Variants in DNAAF9 observed in about 807,000 individuals in gnomAD.
DNAAF9 encodes shulin.
Under a neutral mutation model 167.0 loss-of-function variants are expected in DNAAF9, and 90 were observed. The observed-to-expected ratio is 0.54, with a 90% CI of 0.45 to 0.64. The LOEUF is 0.64. Ranked by LOEUF, DNAAF9 falls within the 30% of genes least tolerant of loss-of-function variation. The probability of loss-of-function intolerance (pLI) is 0.00; values close to 1 mark genes in which losing one functional copy is unlikely to be tolerated. For synonymous variants in DNAAF9, 491 were observed against 508.8 expected, an observed-to-expected ratio of 0.96 and a Z score of 0.47; for missense variants, 1,315 against 1,442.2, an observed-to-expected ratio of 0.91 and a Z score of 1.43.
Position 3,407,491 on chromosome 20 carries a change from C to T in DNAAF9, c.67G>A (p.Gly23Arg). The T allele has an allele frequency of 7.7e-7, 1 of 1,299,636 alleles. No homozygotes were observed. Among genetic ancestry groups the T allele is most frequent in the Non-Finnish European group, 9.7e-7 (1 of 1,026,578 alleles). The allele number at this position is 1,299,636 out of a possible 1,614,324, so 80.5% of individuals were successfully genotyped here. ...CCCGCGTACCTGACGGAGGGTGACC[C>T]GCGGCTGGAGCCGCCAGGGGACCGA... The part of the protein sequence containing the change: ...RARSPGGSSR[G>R]SPSVSCSRLR... The change falls in exon 1 of 37, where the codon GGG becomes AGG. Residue 23 changes from glycine to arginine, a missense_variant. This residue lies in a region of DNAAF9 where 981 missense variants were observed against 1,012.5 expected (regional missense o/e 0.97). Coordinates refer to ENST00000252032, the MANE Select transcript of DNAAF9 (RefSeq NM_001009984.3).
chr20:3,342,746 T>C (rs929421761), intron 9 of DNAAF9, among the ~76,000 whole-genome samples: 78 of 152,174 alleles, frequency 5.1e-4, no homozygotes, highest in Non-Finnish European at 1.3e-4. Flanking sequence ...TGTTTCACTA[T>C]TAGATTGGAT....
chr20:3,280,477 A>G (rs1568574857), intron 28 of DNAAF9, among the ~76,000 whole-genome samples: 1 of 151,788 alleles, frequency 6.6e-6, no homozygotes, highest in East Asian at 2.0e-4. Context: ...AGGCAAGAAA[A>G]TCGCTTGAAC....
chr20:3,382,631 C>T lies in DNAAF9; in HGVS notation c.84-125G>A, dbSNP rs145164852. 4.9e-3 allele frequency: 3,542 copies of T among 728,308 alleles called. 8 individuals are homozygous for T. The highest frequency in any genetic ancestry group is 9.2e-3 in the Middle Eastern group (25 of 2,720). The allele number at this position is 728,308 out of a possible 1,614,324, so 45.1% of individuals were successfully genotyped here. A position where few individuals can be genotyped will look rare whatever the true frequency, so the allele number is the denominator to read the frequency against. ...ACTTTGCTGGGGATGGAAATTGATTCTTGTCTGGTTCTGGTATCAGAACCA... is the reference window on the plus strand; with the variant it reads ...ACTTTGCTGGGGATGGAAATTGATTTTTGTCTGGTTCTGGTATCAGAACCA... On this transcript the variant is annotated intron_variant, in intron 1 of 36. Coordinates refer to ENST00000252032, the MANE Select transcript of DNAAF9 (RefSeq NM_001009984.3).
chr20:3,249,624 G>A lies in DNAAF9; in HGVS notation c.*2948C>T, dbSNP rs1031963252. 5.3e-5 allele frequency: 8 copies of A among 152,184 alleles called. No individual in the cohort carries two copies. The highest frequency in any genetic ancestry group is 1.9e-4 in the African/African-American group (8 of 41,464). 9.4% of individuals were successfully genotyped at this position (152,184 alleles called of 1,614,324 possible). On this transcript the variant is annotated 3_prime_UTR_variant, in exon 37 of 37. Transcript: ENST00000252032. The stretch of plus-strand genomic sequence containing the variant: ...GTGAGCTCTTATGTCATTAGTATTT[G>A]ACATCCTGGGACAATGAGGAAGCCA...
rs748567482 is a variant in DNAAF9, at chr20:3,332,269, T to C, written c.1063+11A>G. On this transcript the variant is annotated intron_variant, in intron 11 of 36. Coordinates refer to ENST00000252032, the MANE Select transcript of DNAAF9 (RefSeq NM_001009984.3). ...GATAAGCTGATGAGATGACAACTTA[T>C]AGGGACTTACCCAAGTAAGGAACAT... 9.2e-6 allele frequency: 13 copies of C among 1,407,628 alleles called. No individual in the cohort carries two copies. The African/African-American group carries it at 9.9e-5, about 11-fold the overall frequency. 87.2% of individuals were successfully genotyped at this position (1,407,628 alleles called of 1,614,324 possible).
At chr20:3,323,150 C>A (rs1172548980) in intron 14 of DNAAF9, among the ~76,000 whole-genome samples, 1 of 149,386 alleles carries the variant, frequency 6.7e-6, no homozygotes, top group Non-Finnish European at 1.5e-5. Flanking sequence ...TAATCTCTTG[C>A]ATTAACACAT....
Position 3,294,178 on chromosome 20 carries a change from T to C in DNAAF9, c.2199A>G (p.Gln733=). Residue 733 remains glutamine, a synonymous_variant, in exon 25 of 37, where the codon CAA becomes CAG. Coordinates refer to ENST00000252032, the MANE Select transcript of DNAAF9 (RefSeq NM_001009984.3). ...TTCTGTGAGTAGTGTTGATTTCAGC[T>C]TGCTGCAGCAGCACAGGAAGATGGG... ...MRTHLPVLLQ[Q]AEINTTHRIE... 1 of 1,611,498 alleles carries C rather than the reference T, an allele frequency of 6.2e-7. No homozygotes were observed. Among genetic ancestry groups the C allele is most frequent in the Non-Finnish European group, 8.5e-7 (1 of 1,177,642 alleles).
chr20:3,271,665 A>G (rs1174864951), intron 29 of DNAAF9, among the ~76,000 whole-genome samples: 1 of 147,724 alleles, frequency 6.8e-6, no homozygotes, highest in Non-Finnish European at 1.5e-5. Flanking sequence ...CTTGTTGTCC[A>G]GGTTGGAGTG....
intron 29 of DNAAF9, among the ~76,000 whole-genome samples, chr20:3,273,202 G>A (rs1029651962): frequency 1.2e-4 from 19 of 152,218 alleles, no homozygotes; most frequent in African/African-American, 3.9e-4. Flanking sequence ...TTTCCTAAGT[G>A]ACCTTGTAAC....
At chr20:3,378,464 G>C (rs1296129587) in intron 3 of DNAAF9, among the ~76,000 whole-genome samples, 1 of 152,188 alleles carries the variant, frequency 6.6e-6, no homozygotes, top group Non-Finnish European at 1.5e-5. Context: ...CATGGGTGAA[G>C]TAAATAAAGC....
rs929823078 is a variant in DNAAF9 at position 3,343,678 on chromosome 20, G to A, written c.843C>T (p.Asn281=). The A allele has an allele frequency of 6.2e-7, 1 of 1,608,262 alleles. No individual in the cohort carries two copies. Among genetic ancestry groups the A allele is most frequent in the Non-Finnish European group, 8.5e-7 (1 of 1,176,556 alleles). ...TCTTCCCCAAGAAAGAAACTTACCT[G>A]TTTTCAGTTATATGGCTAGAGATCA... The part of the protein sequence containing the change: ...HGMISSHITE[N]SPNRQPFVLF... Residue 281 remains asparagine (N), a splice_region_variant and synonymous_variant, in exon 9 of 37, where the codon AAC becomes AAT. Transcript: ENST00000252032.
chr20:3,398,790 C>T (rs908472468), intron 1 of DNAAF9, among the ~76,000 whole-genome samples: 4 of 152,162 alleles, frequency 2.6e-5, no homozygotes, highest in Admixed American at 1.3e-4. Context: ...AAACCTGGCC[C>T]TGCATTAAAG....
At chr20:3,405,670 T>G (rs141595742) in intron 1 of DNAAF9, among the ~76,000 whole-genome samples, 1 of 152,298 alleles carries the variant, frequency 6.6e-6, no homozygotes, top group East Asian at 1.9e-4. Flanking sequence ...AATCACTACC[T>G]TTAAAAGAAT....
At chr20:3,372,413 C>G (rs1219064388) in intron 6 of DNAAF9, among the ~76,000 whole-genome samples, 1 of 152,198 alleles carries the variant, frequency 6.6e-6, no homozygotes, top group African/African-American at 2.4e-5. Context: ...CTAGAGAAGA[C>G]CTATAGTAAC....
chr20:3,286,862 C>T (rs1343458135), intron 27 of DNAAF9, among the ~76,000 whole-genome samples: 1 of 152,168 alleles, frequency 6.6e-6, no homozygotes, highest in Non-Finnish European at 1.5e-5. Context: ...CTACCAAAAG[C>T]TTCTTTATTA....
rs386393120 is a variant in DNAAF9 at position 3,268,897 on chromosome 20, C to CTTTTTTTTTTTTTTTTTTTT, written c.2786+1510_2786+1529dup. ...GTAAAGAGATAATATCTCTATGTTACTTTTTTTTTTTTTTTTTTTTTTTTG... is the reference window on the plus strand; with the variant it reads ...GTAAAGAGATAATATCTCTATGTTACTTTTTTTTTTTTTTTTTTTTTTTTTTTTTTTTTTTTTTTTTTTTG... On this transcript the variant is annotated intron_variant, in intron 30 of 36. Transcript: ENST00000252032. 1.3e-3 allele frequency among the ~76,000 whole-genome samples: 115 copies of CTTTTTTTTTTTTTTTTTTTT among 85,834 alleles called. 12 individuals are homozygous for CTTTTTTTTTTTTTTTTTTTT. Among genetic ancestry groups the CTTTTTTTTTTTTTTTTTTTT allele is most frequent in the Non-Finnish European group, 1.7e-3 (77 of 46,582 alleles). 56.3% of individuals were successfully genotyped at this position (85,834 alleles called of 152,430 possible).
chr20:3,346,294 C>A (rs763177065), intron 8 of DNAAF9, among the ~76,000 whole-genome samples: 2 of 152,156 alleles, frequency 1.3e-5, no homozygotes, highest in Non-Finnish European at 2.9e-5. Context: ...TTTGACCCAG[C>A]AATCCCATCA....
At chr20:3,288,201 G>A (rs150410605) in intron 26 of DNAAF9, among the ~76,000 whole-genome samples, 1 of 152,218 alleles carries the variant, frequency 6.6e-6, no homozygotes, top group Non-Finnish European at 1.5e-5. Context: ...TGTAATCCCA[G>A]CACTTTGGGA....
chr20:3,297,118 AT>A (rs1162324794), intron 22 of DNAAF9, among the ~76,000 whole-genome samples, 169 bp from the exon 23 acceptor site: 1 of 152,152 alleles, frequency 6.6e-6, no homozygotes, highest in African/African-American at 2.4e-5. Context: ...TTTGTTCTGT[AT>A]TTTTAAAAAC....
Sources: allele counts gnomAD v4.1 joint callset (sites outside exome capture counted in the v4.1 genomes callset), GRCh38; gene constraint gnomAD v4.1.1; regional missense constraint gnomAD v4.1.1; transcripts MANE v1.5; gene names NCBI Gene and HGNC (gene_info 2026-07-23, HGNC 2026-07-21).